The following EHMT1 variants were observed in gnomAD, a reference collection of about 807,000 sequenced individuals.
The protein encoded by EHMT1 is histone-lysine N-methyltransferase EHMT1.
In EHMT1, 15 loss-of-function variants were observed where a neutral mutation model predicts 147.2. The ratio of observed to expected loss-of-function variants is 0.10; its 90% confidence interval spans 0.07 to 0.16. The LOEUF (loss-of-function observed/expected upper bound fraction) is 0.16, where lower values mean the gene tolerates loss of function less well. Ranked by LOEUF, EHMT1 falls within the 10% of genes least tolerant of loss-of-function variation. The pLI is 1.00. For missense variants in EHMT1, 1,587 were observed against 1,772.4 expected (o/e 0.90, Z 1.88); for synonymous variants, 795 against 709.6 (o/e 1.12, Z -1.91).
At chr9:137,797,647 G>C (rs966734151) in intron 16 of EHMT1, among the ~76,000 whole-genome samples, 1 of 152,192 alleles carries the variant, frequency 6.6e-6, no homozygotes, top group South Asian at 2.1e-4. Flanking sequence ...CACTAGCCGT[G>C]TGGGAACCGG....
intron 10 of EHMT1, among the ~76,000 whole-genome samples, chr9:137,765,545 A>C (rs1033250146): frequency 1.3e-5 from 2 of 152,224 alleles, no homozygotes; most frequent in African/African-American, 4.8e-5. Context: ...GTAGATCCCG[A>C]AGACCATACA....
At chr9:137,822,825 G>A (rs993416416) in intron 25 of EHMT1, among the ~76,000 whole-genome samples, 27 of 151,948 alleles carry the variant, frequency 1.8e-4, no homozygotes, top group African/African-American at 6.3e-4. Context: ...CTTGGGAGGT[G>A]GAGGTTGCAG....
chr9:137,832,102 C>G (rs908910949), intron 25 of EHMT1, among the ~76,000 whole-genome samples: 1 of 150,898 alleles, frequency 6.6e-6, no homozygotes, highest in African/African-American at 2.4e-5. Context: ...TCGCCCCAGT[C>G]CTAGGATTGG....
At chr9:137,729,044 AG>A (rs1485025752) in intron 4 of EHMT1, among the ~76,000 whole-genome samples, 1 of 152,084 alleles carries the variant, frequency 6.6e-6, no homozygotes, top group Non-Finnish European at 1.5e-5. Context: ...CTTTTGTGGG[AG>A]GTGCTGGGAG....
chr9:137,776,099 T>C lies in EHMT1; in HGVS notation c.1792-519T>C, dbSNP rs1024649629. ...TGCATGTCCTCCCCATCTTCAAACA[T>C]CCTTTTTTTGGTTCTGCTACATCTG... On this transcript the variant is annotated intron_variant, in intron 11 of 26. Coordinates refer to ENST00000460843, the MANE Select transcript of EHMT1 (RefSeq NM_024757.5). The surrounding 1 kb of genome is among the most constrained non-coding windows in gnomAD (Gnocchi z 4.4). Among the ~76,000 whole-genome samples, 7 of 152,188 alleles carry C rather than the reference T, an allele frequency of 4.6e-5. No individual in the cohort carries two copies. Among genetic ancestry groups the C allele is most frequent in the Admixed American group, 1.3e-4 (2 of 15,286 alleles).
chr9:137,826,824 C>T (rs1180717692), intron 25 of EHMT1, among the ~76,000 whole-genome samples: 3 of 152,232 alleles, frequency 2.0e-5, no homozygotes, highest in Non-Finnish European at 1.5e-5. Context: ...TAGGGCCGCA[C>T]CTCCCAAACT....
rs779760321 is a variant in EHMT1 at position 137,814,475 on chromosome 9, C to T, written c.3225C>T (p.Cys1075=). 2.2e-5 allele frequency: 35 copies of T among 1,609,136 alleles called. No homozygotes were observed. The highest frequency in any genetic ancestry group is 2.7e-5 in the African/African-American group (2 of 74,948). The change falls in exon 22 of 27, where the codon TGC becomes TGT. Residue 1075 remains cysteine (C), a synonymous_variant. Transcript: ENST00000460843. The part of the protein sequence containing the change: ...IDDCSSSNCM[C]GQLSMRCWYD... ...ACTGCTCCTCCAGCAACTGCATGTG[C>T]GGCCAGCTCAGCATGCGCTGCTGGT...
intron 2 of EHMT1, chr9:137,715,446 C>A (rs572235378): frequency 1.3e-6 from 1 of 743,944 alleles, no homozygotes; most frequent in Non-Finnish European, 1.6e-6. Context: ...TAGGACTTAA[C>A]GTCCTCGGGT....
At chr9:137,683,791 A>T (rs1039784161) in intron 1 of EHMT1, among the ~76,000 whole-genome samples, 3 of 152,144 alleles carry the variant, frequency 2.0e-5, no homozygotes, top group Non-Finnish European at 2.9e-5. Context: ...CTTTATTTAA[A>T]TTAAAAAAAT....
chr9:137,816,780 G>A (rs1029736815), intron 23 of EHMT1: 1 of 167,432 alleles, frequency 6.0e-6, no homozygotes, highest in Non-Finnish European at 1.3e-5. Context: ...GGCAGTCTCT[G>A]TCCTTGGTAT....
Position 137,813,842 on chromosome 9 carries a change from G to A in EHMT1, c.3180+312G>A, listed in dbSNP as rs1216582308. Among the ~76,000 whole-genome samples the A allele has an allele frequency of 6.6e-6, 1 of 152,132 alleles. No homozygotes were observed. The highest frequency in any genetic ancestry group is 1.9e-4 in the East Asian group (1 of 5,164). ...GGCCCCGGTGTGGCTTCGTGCTGGG[G>A]GCACAGGCGAGAGGAGCCCTTGCGA... On this transcript the variant is annotated intron_variant, in intron 21 of 26. Coordinates refer to ENST00000460843, the MANE Select transcript of EHMT1 (RefSeq NM_024757.5). The surrounding 1 kb of genome is among the most constrained non-coding windows in gnomAD (Gnocchi z 4.9).
At chr9:137,655,147 C>T (rs977546026) in intron 1 of EHMT1, among the ~76,000 whole-genome samples, 2 of 151,952 alleles carry the variant, frequency 1.3e-5, no homozygotes, top group Non-Finnish European at 2.9e-5. Flanking sequence ...TACAGGTATA[C>T]GCCACTACGC....
intron 16 of EHMT1, chr9:137,792,040 C>CG: frequency 2.7e-6 from 1 of 375,618 alleles, no homozygotes; most frequent in East Asian, 8.6e-5. Flanking sequence ...GCGCTAACAG[C>CG]TTTTTTTTTT....
intron 8 of EHMT1, among the ~76,000 whole-genome samples, chr9:137,755,098 A>G (rs976325701): frequency 1.3e-5 from 2 of 152,230 alleles, no homozygotes; most frequent in African/African-American, 4.8e-5. Context: ...CTGGCATCCA[A>G]TAAAATGCAC....
intron 18 of EHMT1, chr9:137,803,322 C>T (rs1489813014): frequency 3.0e-6 from 3 of 991,102 alleles, no homozygotes; most frequent in Non-Finnish European, 2.4e-6. Flanking sequence ...AGAGTGAGCC[C>T]AGTCCTCCCT....
chr9:137,632,151 G>A (rs556867762), intron 1 of EHMT1, among the ~76,000 whole-genome samples: 22 of 152,306 alleles, frequency 1.4e-4, no homozygotes, highest in African/African-American at 3.8e-4. Context: ...GCATATCTCC[G>A]AATGTATCCC....
intron 15 of EHMT1, among the ~76,000 whole-genome samples, chr9:137,789,937 C>G (rs1254356576): frequency 6.6e-6 from 1 of 152,198 alleles, no homozygotes; most frequent in Non-Finnish European, 1.5e-5. Flanking sequence ...ACCATGTTGG[C>G]CAGGCTGGTC....
At chr9:137,742,289 TTG>T (rs56080406) in intron 4 of EHMT1, among the ~76,000 whole-genome samples, 25,185 of 134,902 alleles carry the variant, frequency 0.19, 2,528 homozygotes, top group East Asian at 0.37. Context: ...AGAACCAAAT[TTG>T]TGTGTGTGTG....
intron 1 of EHMT1, among the ~76,000 whole-genome samples, chr9:137,670,098 G>A (rs995011916): frequency 1.3e-5 from 2 of 152,142 alleles, no homozygotes; most frequent in Non-Finnish European, 2.9e-5. Context: ...GGCCTCAAGT[G>A]ATCCGCCTGC....
Sources: allele counts gnomAD v4.1 joint callset (sites outside exome capture counted in the v4.1 genomes callset), GRCh38; gene constraint gnomAD v4.1.1; non-coding constraint Gnocchi (gnomAD v3.1); transcripts MANE v1.5; gene names NCBI Gene and HGNC (gene_info 2026-07-23, HGNC 2026-07-21).